The following TAFA1 variants were observed in gnomAD, a reference collection of about 807,000 sequenced individuals.
TAFA1 encodes the protein TAFA chemokine like family member 1, also known as chemokine-like protein TAFA-1.
In TAFA1, 4 loss-of-function variants were observed where a neutral mutation model predicts 18.5. The ratio of observed to expected loss-of-function variants is 0.22; its 90% confidence interval spans 0.11 to 0.49. The LOEUF (loss-of-function observed/expected upper bound fraction) is 0.49, where lower values mean the gene tolerates loss of function less well. Among genes scored for constraint, TAFA1 ranks in the 20% least tolerant of loss-of-function variants. TAFA1 has a pLI of 0.98. For missense variants in TAFA1, 147 were observed against 169.0 expected (o/e 0.87, Z 0.72); for synonymous variants, 56 against 55.2 (o/e 1.01, Z -0.06).
intron 3 of TAFA1, among the ~76,000 whole-genome samples, chr3:68,479,470 T>TG (rs1236198853): frequency 3.2e-4 from 48 of 152,108 alleles, no homozygotes; most frequent in Non-Finnish European, 5.1e-4. Context: ...CATGTCTCTC[T>TG]TATTTTATGA....
At chr3:68,123,383 A>G (rs2065423829) in intron 2 of TAFA1, among the ~76,000 whole-genome samples, 1 of 152,142 alleles carries the variant, frequency 6.6e-6, no homozygotes, top group Non-Finnish European at 1.5e-5. Context: ...GATGAAGGAC[A>G]CTGAAGAGGA....
intron 2 of TAFA1, among the ~76,000 whole-genome samples, chr3:68,095,016 A>G (rs1471947256): frequency 6.6e-6 from 1 of 152,172 alleles, no homozygotes. Flanking sequence ...GTACAAGGTC[A>G]CCCATCATGG....
chr3:68,176,733 C>A (rs1281612275), intron 2 of TAFA1, among the ~76,000 whole-genome samples: 2 of 152,202 alleles, frequency 1.3e-5, no homozygotes, highest in African/African-American at 4.8e-5. Flanking sequence ...CTGGGACACC[C>A]AGGCCACATA....
intron 2 of TAFA1, among the ~76,000 whole-genome samples, chr3:68,022,250 G>A (rs190664516): frequency 7.9e-5 from 12 of 152,114 alleles, no homozygotes; most frequent in African/African-American, 1.4e-4. Flanking sequence ...TACAGGATAC[G>A]GTATTATTCA....
intron 2 of TAFA1, among the ~76,000 whole-genome samples, chr3:68,290,915 T>C (rs2068093036): frequency 6.6e-6 from 1 of 152,082 alleles, no homozygotes; most frequent in African/African-American, 2.4e-5. Flanking sequence ...AAAAAAACTC[T>C]TTTTTCCTCA....
intron 2 of TAFA1, among the ~76,000 whole-genome samples, chr3:68,061,174 C>T (rs2064597735): frequency 6.6e-6 from 1 of 152,314 alleles, no homozygotes; most frequent in African/African-American, 2.4e-5. Context: ...ATATGCGAGT[C>T]TGTCTCTCTC....
chr3:68,085,573 TATC>T (rs1244083407), intron 2 of TAFA1, among the ~76,000 whole-genome samples: 1 of 152,218 alleles, frequency 6.6e-6, no homozygotes, highest in Non-Finnish European at 1.5e-5. Flanking sequence ...TCTTGATGGT[TATC>T]ATCACTCCTG....
intron 2 of TAFA1, among the ~76,000 whole-genome samples, chr3:68,326,119 C>G (rs766149820): frequency 1.3e-5 from 2 of 152,206 alleles, no homozygotes; most frequent in Non-Finnish European, 2.9e-5. Flanking sequence ...ATTCACTGTG[C>G]TCCTAAGTCC....
chr3:68,050,765 CAT>C (rs1421153593), intron 2 of TAFA1, among the ~76,000 whole-genome samples: 4 of 152,134 alleles, frequency 2.6e-5, no homozygotes, highest in Non-Finnish European at 5.9e-5. Context: ...AATTATATGT[CAT>C]CTTAGCCAGC....
chr3:68,501,154 G>GAA (rs57247656), intron 3 of TAFA1, among the ~76,000 whole-genome samples: 293 of 91,460 alleles, frequency 3.2e-3, no homozygotes, highest in East Asian at 8.7e-3. Context: ...GACCCTGTCT[G>GAA]AAAAAAAAAA....
intron 2 of TAFA1, among the ~76,000 whole-genome samples, chr3:68,031,406 T>C (rs1230081652): frequency 1.3e-5 from 2 of 152,152 alleles, no homozygotes; most frequent in African/African-American, 4.8e-5. Context: ...AGAAGATGAA[T>C]CAAAGGATAC....
chr3:68,105,609 A>G lies in TAFA1; in HGVS notation c.118+98865A>G, dbSNP rs141802194. ...CAGAATCAAGTATTTACTTTGTTTA[A>G]TCTAAAGCAGAATTAAAATGGGAGA... is the stretch of plus-strand genomic sequence containing the variant. On this transcript the variant is annotated intron_variant, in intron 2 of 4. Transcript: ENST00000478136. Among the ~76,000 whole-genome samples, 121 of 152,322 alleles carry G rather than the reference A, an allele frequency of 7.9e-4. 2 individuals are homozygous for G. Among genetic ancestry groups the G allele is most frequent in the African/African-American group, 2.7e-3 (113 of 41,580 alleles).
At chr3:68,436,829 C>G (rs2071275372) in intron 3 of TAFA1, among the ~76,000 whole-genome samples, 2 of 152,134 alleles carry the variant, frequency 1.3e-5, no homozygotes, top group Non-Finnish European at 2.9e-5. Flanking sequence ...CTCAGGAAGG[C>G]AGATGCCTTT....
At chr3:68,474,855 C>A (rs572192964) in intron 3 of TAFA1, among the ~76,000 whole-genome samples, 1 of 152,234 alleles carries the variant, frequency 6.6e-6, no homozygotes, top group South Asian at 2.1e-4. Context: ...ACAAAGATAA[C>A]TTTGACTACC....
At chr3:68,252,959 CT>C (rs917890893) in intron 2 of TAFA1, among the ~76,000 whole-genome samples, 1 of 152,174 alleles carries the variant, frequency 6.6e-6, no homozygotes, top group Non-Finnish European at 1.5e-5. Flanking sequence ...CACAAACTCT[CT>C]TGCCAGGTGT....
At chr3:68,413,527 A>G (rs539111362) in intron 2 of TAFA1, among the ~76,000 whole-genome samples, 2 of 152,330 alleles carry the variant, frequency 1.3e-5, no homozygotes, top group East Asian at 3.9e-4. Flanking sequence ...GAAAATGGAA[A>G]TAACAATAGT....
At chr3:68,413,619 G>C (rs1422550285) in intron 2 of TAFA1, among the ~76,000 whole-genome samples, 1 of 152,110 alleles carries the variant, frequency 6.6e-6, no homozygotes, top group African/African-American at 2.4e-5. Flanking sequence ...AATAATATGT[G>C]AGACATTGTT....
intron 2 of TAFA1, among the ~76,000 whole-genome samples, chr3:68,365,032 A>G (rs933350768): frequency 1.3e-5 from 2 of 152,194 alleles, no homozygotes; most frequent in Non-Finnish European, 2.9e-5. Context: ...GACCTTGATC[A>G]TGAAGCTGAA....
At chr3:68,038,441 C>G (rs1234050494) in intron 2 of TAFA1, among the ~76,000 whole-genome samples, 1 of 152,164 alleles carries the variant, frequency 6.6e-6, no homozygotes, top group Non-Finnish European at 1.5e-5. Context: ...CAGAACCTGT[C>G]TTCTTTCCTG....
Sources: gnomAD v4.1 joint callset for allele counts (sites outside exome capture counted in the v4.1 genomes callset) on GRCh38, gnomAD v4.1.1 for gene constraint, MANE v1.5 for transcripts, NCBI Gene and HGNC (gene_info 2026-07-23, HGNC 2026-07-21) for gene names.